The following RIMS2 variants were observed in gnomAD, a reference collection of about 807,000 sequenced individuals.
RIMS2 encodes regulating synaptic membrane exocytosis protein 2.
A neutral mutation model predicts 174.4 loss-of-function variants in RIMS2; 59 were observed. That is an observed-to-expected ratio of 0.34 (90% CI 0.27 to 0.42). RIMS2 has a LOEUF of 0.42. Among genes scored for constraint, RIMS2 ranks in the 10% least tolerant of loss-of-function variants. The pLI is 1.00. For synonymous variants in RIMS2, 606 were observed against 572.5 expected, an observed-to-expected ratio of 1.06 and a Z score of -0.84; for missense variants, 1,620 against 1,666.3, an observed-to-expected ratio of 0.97 and a Z score of 0.48.
chr8:104,217,278 G>GTT (rs11415917), intron 19 of RIMS2, among the ~76,000 whole-genome samples: 148 of 141,496 alleles, frequency 1.0e-3, no homozygotes, highest in African/African-American at 1.6e-3. Flanking sequence ...TTGTTTTTTT[G>GTT]TTTTTTTTGA....
chr8:103,932,974 T>A (rs773907829), intron 12 of RIMS2, among the ~76,000 whole-genome samples: 1 of 150,022 alleles, frequency 6.7e-6, no homozygotes, highest in Admixed American at 6.6e-5. Context: ...CTGGCCAACA[T>A]GGTGAAACAC....
intron 1 of RIMS2, among the ~76,000 whole-genome samples, chr8:103,506,586 C>T (rs1823742054): frequency 6.6e-6 from 1 of 152,000 alleles, no homozygotes; most frequent in South Asian, 2.1e-4. Context: ...TTGTTATAGA[C>T]TAAGTATCCT....
intron 3 of RIMS2, among the ~76,000 whole-genome samples, chr8:103,832,943 C>A (rs2098835113): frequency 6.6e-6 from 1 of 152,058 alleles, no homozygotes; most frequent in Non-Finnish European, 1.5e-5. Context: ...TTCACATATT[C>A]CTTGTTTTAA....
chr8:103,865,531 C>T (rs2099080856), intron 3 of RIMS2, among the ~76,000 whole-genome samples: 1 of 151,816 alleles, frequency 6.6e-6, no homozygotes, highest in South Asian at 2.1e-4. Context: ...ATGATCTGTC[C>T]ACCTCGGCCT....
intron 19 of RIMS2, among the ~76,000 whole-genome samples, chr8:104,169,340 A>ATATATATAT (rs1491155725): frequency 5.4e-4 from 18 of 33,158 alleles, no homozygotes; most frequent in East Asian, 2.7e-3. Flanking sequence ...ATATATATAT[A>ATATATATAT]AAACAGATTC....
At chr8:103,974,254 GA>G (rs1470319126) in intron 15 of RIMS2, among the ~76,000 whole-genome samples, 1 of 152,130 alleles carries the variant, frequency 6.6e-6, no homozygotes, top group Non-Finnish European at 1.5e-5. Flanking sequence ...ATCATGATAG[GA>G]AATATTACAT....
At chr8:104,101,790 T>C (rs2097908186) in intron 19 of RIMS2, among the ~76,000 whole-genome samples, 1 of 151,848 alleles carries the variant, frequency 6.6e-6, no homozygotes, top group Non-Finnish European at 1.5e-5. Flanking sequence ...AAATTATGTA[T>C]GCTGCTAAAT....
chr8:104,010,031 C>G (rs56244144), intron 17 of RIMS2, among the ~76,000 whole-genome samples: 3 of 151,532 alleles, frequency 2.0e-5, no homozygotes, highest in African/African-American at 7.2e-5. Context: ...GATGGACGGA[C>G]GGACGGATGA....
At chr8:104,111,742 C>T (rs1232921389) in intron 19 of RIMS2, among the ~76,000 whole-genome samples, 1 of 152,104 alleles carries the variant, frequency 6.6e-6, no homozygotes, top group East Asian at 1.9e-4. Context: ...TCTATGCTTC[C>T]AACAATACGT....
chr8:103,700,118 C>T (rs190386188), intron 2 of RIMS2, among the ~76,000 whole-genome samples: 1 of 152,194 alleles, frequency 6.6e-6, no homozygotes, highest in Non-Finnish European at 1.5e-5. Flanking sequence ...AATCTGTTAT[C>T]TCACTGTTGA....
chr8:103,945,260 T>G (rs1053147391), intron 14 of RIMS2, among the ~76,000 whole-genome samples: 2 of 152,008 alleles, frequency 1.3e-5, no homozygotes, highest in African/African-American at 4.8e-5. Flanking sequence ...GCTAAAAATC[T>G]GAATAAACCT....
chr8:103,670,007 A>C (rs2096725238), intron 1 of RIMS2, among the ~76,000 whole-genome samples: 1 of 152,232 alleles, frequency 6.6e-6, no homozygotes, highest in South Asian at 2.1e-4. Context: ...GGTTCTTATG[A>C]GGGCCCTGCC....
chr8:103,858,694 T>TAC (rs1233169374), intron 3 of RIMS2, among the ~76,000 whole-genome samples: 20 of 141,416 alleles, frequency 1.4e-4, no homozygotes, highest in Non-Finnish European at 3.1e-4. Flanking sequence ...TGTATATATA[T>TAC]ACGTGTATAT....
At chr8:103,871,858 T>C (rs1022485022) in intron 3 of RIMS2, among the ~76,000 whole-genome samples, 5 of 152,190 alleles carry the variant, frequency 3.3e-5, no homozygotes. Context: ...ACGAATTCTT[T>C]CTTTCTCTCC....
In RIMS2 at chr8:103,752,899, C is replaced by T. The variant is rs1388807471; in HGVS notation, c.388-13328C>T. 2.6e-5 allele frequency among the ~76,000 whole-genome samples: 4 copies of T among 152,088 alleles called. No individual in the cohort carries two copies. The East Asian group carries it at 5.8e-4, about 22-fold the overall frequency. The stretch of plus-strand genomic sequence containing the variant: ...CTGCAAACAGGGACAATTTGACTTC[C>T]TCTTTTCCTAATTGAATACCTTTTA... On this transcript the variant is annotated intron_variant, in intron 2 of 23. Transcript: ENST00000504942.
intron 15 of RIMS2, among the ~76,000 whole-genome samples, chr8:103,974,853 A>T (rs1054116550): frequency 2.0e-5 from 3 of 152,128 alleles, no homozygotes; most frequent in Admixed American, 6.5e-5. Flanking sequence ...CTCATTTTTT[A>T]AAAAAAGCAA....
At chr8:104,182,446 A>T (rs549681906) in intron 19 of RIMS2, among the ~76,000 whole-genome samples, 6 of 151,920 alleles carry the variant, frequency 3.9e-5, no homozygotes, top group African/African-American at 1.2e-4. Flanking sequence ...ACTCAGAGAT[A>T]TGTACAACCA....
chr8:103,789,203 C>G (rs1278794053), intron 3 of RIMS2, among the ~76,000 whole-genome samples: 1 of 152,038 alleles, frequency 6.6e-6, no homozygotes, highest in Admixed American at 6.6e-5. Context: ...CCCGGTACCT[C>G]AGATGGAAAT....
Position 104,188,252 on chromosome 8 carries a change from T to C in RIMS2, c.3335-56664T>C, listed in dbSNP as rs566595756. Among the ~76,000 whole-genome samples the C allele has an allele frequency of 2.1e-5, 3 of 145,688 alleles. No individual in the cohort carries two copies. In the South Asian group the frequency reaches 6.6e-4, roughly 32 times the overall value. On this transcript the variant is annotated intron_variant, in intron 19 of 23. Transcript: ENST00000504942. ...ATAGATAGATAGATAGATAGATAGA[T>C]AGATAGATAGATAGATAGATGGATG...
Sources: allele counts gnomAD v4.1 joint callset (sites outside exome capture counted in the v4.1 genomes callset), GRCh38; gene constraint gnomAD v4.1.1; transcripts MANE v1.5; gene names NCBI Gene and HGNC (gene_info 2026-07-23, HGNC 2026-07-21).